PTMA: variants seen among roughly 807,000 people sequenced by gnomAD.
PTMA encodes prothymosin alpha, also known as gene sequence 28.
A neutral mutation model predicts 16.9 loss-of-function variants in PTMA; 4 were observed. The observed-to-expected ratio is 0.24, with a 90% CI of 0.12 to 0.54. PTMA has a LOEUF of 0.54. Ranked by LOEUF, PTMA falls within the 20% of genes least tolerant of loss-of-function variation. The pLI is 0.95. For missense variants in PTMA, 120 were observed against 137.7 expected (o/e 0.87, Z 0.64); for synonymous variants, 58 against 47.9 (o/e 1.21, Z -0.87).
intron 1 of PTMA, chr2:231,710,808 G>A (rs192746862): frequency 1.9e-4 from 60 of 311,982 alleles, no homozygotes; most frequent in Admixed American, 1.2e-3. Flanking sequence ...GGGGGTCGGT[G>A]TGCTTTGGCT....
At chr2:231,710,471 C>G in intron 1 of PTMA, 1 of 1,081,014 alleles carries the variant, frequency 9.3e-7, no homozygotes, top group Non-Finnish European at 1.2e-6. Flanking sequence ...CGGGCGGAGC[C>G]GGGGTCCGCG....
At position 231,708,629 on chromosome 2, in the gene PTMA, C is replaced by G. The variant is rs11558925; in HGVS notation, c.-78C>G. 6.4e-7 allele frequency: 1 copy of G among 1,574,654 alleles called. No homozygotes were observed. The highest frequency in any genetic ancestry group is 8.6e-7 in the Non-Finnish European group (1 of 1,159,978). ...GCGCCTCCTCCGCCGCCGCGGACTC[C>G]GGCAGCTTTATCGCCAGAGTCCCTG... is the stretch of plus-strand genomic sequence containing the variant. On this transcript the variant is annotated 5_prime_UTR_variant, in exon 1 of 5. Coordinates refer to ENST00000409115, the MANE Select transcript of PTMA (RefSeq NM_002823.5).
intron 1 of PTMA, chr2:231,711,034 G>A: frequency 7.3e-6 from 2 of 274,930 alleles, no homozygotes; most frequent in Non-Finnish European, 7.0e-6. Context: ...CCACCCGGCC[G>A]GACGGGCTGG....
rs973094479 is a variant in PTMA at position 231,711,475 on chromosome 2, C to T, written c.117+56C>T. ...CAGCTACCGCCCCACAAAATTTTTC[C>T]TGTTCTACTTTAAACATACCTATAT... On this transcript the variant is annotated intron_variant, in intron 2 of 4. Coordinates refer to ENST00000409115, the MANE Select transcript of PTMA (RefSeq NM_002823.5). 117 of 1,537,040 alleles carry T rather than the reference C, an allele frequency of 7.6e-5. No individual in the cohort carries two copies. In the African/African-American group the frequency reaches 1.3e-3, roughly 16 times the overall value.
intron 2 of PTMA, 191 bp from the exon 3 acceptor site, chr2:231,711,699 G>C: frequency 9.3e-7 from 1 of 1,072,298 alleles, no homozygotes; most frequent in Non-Finnish European, 1.3e-6. Context: ...CTTGTCCTGG[G>C]GCAGTTAATG....
At chr2:231,712,145 T>C in intron 3 of PTMA, among the ~76,000 whole-genome samples, 162 bp downstream of exon 3, 1 of 152,154 alleles carries the variant, frequency 6.6e-6, no homozygotes, top group Admixed American at 6.5e-5. Context: ...AGGGAAGGTC[T>C]CCCTGACATG....
chr2:231,709,563 G>C (rs976230568), intron 1 of PTMA, among the ~76,000 whole-genome samples: 2 of 152,184 alleles, frequency 1.3e-5, no homozygotes, highest in Admixed American at 6.5e-5. Flanking sequence ...AGCACCGTGT[G>C]CGCCGCAGCT....
Position 231,708,737 on chromosome 2 carries a change from G to C in PTMA, c.31G>C (p.Glu11Gln). ...AGACGCAGCCGTAGACACCAGCTCCGAAATCACCACCAAGGTGAGGCTGGA... is the reference window on the plus strand; with the variant it reads ...AGACGCAGCCGTAGACACCAGCTCCCAAATCACCACCAAGGTGAGGCTGGA... MSDAAVDTSS[E>Q]ITTKDLKEKK... Residue 11 changes from glutamate to glutamine, a missense_variant, in exon 1 of 5, where the codon GAA becomes CAA. Coordinates refer to ENST00000409115, the MANE Select transcript of PTMA (RefSeq NM_002823.5). 6.2e-7 allele frequency: 1 copy of C among 1,603,674 alleles called. No homozygotes were observed. Among genetic ancestry groups the C allele is most frequent in the Non-Finnish European group, 8.5e-7 (1 of 1,179,640 alleles).
rs747227074 is a variant in PTMA at position 231,711,389 on chromosome 2, T to C, written c.87T>C (p.Asn29=). 3.2e-5 allele frequency: 52 copies of C among 1,613,898 alleles called. No homozygotes were observed. Among genetic ancestry groups the C allele is most frequent in the Admixed American group, 1.7e-4 (10 of 59,988 alleles). ...EKKEVVEEAE[N]GRDAPANGNA... is the part of the protein sequence containing the mutation. The stretch of plus-strand genomic sequence containing the variant: ...AGGAAGTTGTGGAAGAGGCAGAAAA[T>C]GGAAGAGACGCCCCTGCTAACGGGA... The change falls in exon 2 of 5, where the codon AAT becomes AAC. Residue 29 remains asparagine, a synonymous_variant. Transcript: ENST00000409115.
Position 231,708,643 on chromosome 2 carries a change from C to T in PTMA, c.-64C>T. 6.3e-7 allele frequency: 1 copy of T among 1,591,344 alleles called. No individual in the cohort carries two copies. ...GCCGCGGACTCCGGCAGCTTTATCGCCAGAGTCCCTGAACTCTCGCTTTCT... is the reference window on the plus strand; with the variant it reads ...GCCGCGGACTCCGGCAGCTTTATCGTCAGAGTCCCTGAACTCTCGCTTTCT... On this transcript the variant is annotated 5_prime_UTR_variant, in exon 1 of 5. Coordinates refer to ENST00000409115, the MANE Select transcript of PTMA (RefSeq NM_002823.5).
intron 4 of PTMA, 25 bp downstream of exon 4, chr2:231,712,541 G>A (rs2048531833): frequency 6.2e-7 from 1 of 1,612,488 alleles, no homozygotes; most frequent in African/African-American, 1.3e-5. Flanking sequence ...GAGAAGAAGG[G>A]GGGTTTGGCA....
intron 1 of PTMA, chr2:231,710,332 C>T (rs954051407): frequency 1.6e-6 from 2 of 1,226,536 alleles, no homozygotes; most frequent in Non-Finnish European, 2.0e-6. Context: ...CCCCGGGCCA[C>T]GTGCTCCCTG....
chr2:231,711,619 T>C, intron 2 of PTMA, 200 bp downstream of exon 2: 1 of 735,592 alleles, frequency 1.4e-6, no homozygotes, highest in Non-Finnish European at 2.2e-6. Context: ...GAGCAGCGCC[T>C]GAACAAGAAT....
chr2:231,708,778 C>T (rs758938553), intron 1 of PTMA, 27 bp downstream of exon 1: 27 of 1,597,706 alleles, frequency 1.7e-5, no homozygotes, highest in Non-Finnish European at 2.2e-5. Flanking sequence ...CCCGCCCCCT[C>T]GGGGTCCGCG....
chr2:231,711,118 G>A, intron 1 of PTMA: 1 of 412,982 alleles, frequency 2.4e-6, no homozygotes, highest in Non-Finnish European at 4.4e-6. Context: ...CGGGGCCGCT[G>A]TAGCGGGCCT....
chr2:231,711,204 A>G (rs1277702482), intron 1 of PTMA, 144 bp from the exon 2 acceptor site: 7 of 661,176 alleles, frequency 1.1e-5, no homozygotes, highest in Non-Finnish European at 1.9e-5. Context: ...GAGGGACCGC[A>G]GGGGCATCAG....
At chr2:231,710,389 G>T (rs1401659068) in intron 1 of PTMA, 5 of 1,176,168 alleles carry the variant, frequency 4.3e-6, no homozygotes, top group Non-Finnish European at 5.3e-6. Flanking sequence ...CCGGGCGGGG[G>T]ATGCGCGCCT....
intron 3 of PTMA, 38 bp from the exon 4 acceptor site, chr2:231,712,405 A>AG: frequency 6.3e-7 from 1 of 1,586,526 alleles, no homozygotes; most frequent in South Asian, 1.1e-5. Context: ...CCACAGTAGG[A>AG]GGGAAGTGTG....
rs1263439384 is a variant in PTMA at position 231,713,055 on chromosome 2, G to A, written c.*204G>A. The A allele has an allele frequency of 1.2e-5, 7 of 575,202 alleles. No individual in the cohort carries two copies. Among genetic ancestry groups the A allele is most frequent in the Admixed American group, 3.4e-5 (1 of 29,274 alleles). The allele number at this position is 575,202 out of a possible 1,614,324, so 35.6% of individuals were successfully genotyped here. A position where few individuals can be genotyped will look rare whatever the true frequency, so the allele number is the denominator to read the frequency against. On this transcript the variant is annotated 3_prime_UTR_variant, in exon 5 of 5. Transcript: ENST00000409115. ...GAATTTGCAACAGGGGAGGAAAAAAGAACCAAAACTTCCAAGGCCCTGCTT... is the reference window on the plus strand; with the variant it reads ...GAATTTGCAACAGGGGAGGAAAAAAAAACCAAAACTTCCAAGGCCCTGCTT...
Sources: allele counts gnomAD v4.1 joint callset (sites outside exome capture counted in the v4.1 genomes callset), GRCh38; gene constraint gnomAD v4.1.1; transcripts MANE v1.5; gene names NCBI Gene and HGNC (gene_info 2026-07-23, HGNC 2026-07-21).